FHIT: variants seen among roughly 807,000 people sequenced by gnomAD.
FHIT encodes fragile histidine triad diadenosine triphosphatase, also known as bis(5'-adenosyl)-triphosphatase.
A neutral mutation model predicts 17.9 loss-of-function variants in FHIT; 19 were observed. The observed-to-expected ratio is 1.06, with a 90% CI of 0.74 to 1.56. The LOEUF is 1.56. Ranked by LOEUF, FHIT falls within the 40% of genes most tolerant of loss-of-function variation. FHIT has a pLI of 0.00. For synonymous variants in FHIT, 81 were observed against 69.7 expected (o/e 1.16, Z -0.81); for missense variants, 248 against 189.2 (o/e 1.31, Z -1.82).
chr3:60,182,827 G>A (rs1402676796), intron 5 of FHIT, among the ~76,000 whole-genome samples: 1 of 151,254 alleles, frequency 6.6e-6, no homozygotes, highest in African/African-American at 2.4e-5. Flanking sequence ...TGAGTTGTTA[G>A]TTCCTCCTTT....
At chr3:60,432,482 G>A (rs1437368141) in intron 5 of FHIT, among the ~76,000 whole-genome samples, 1 of 152,102 alleles carries the variant, frequency 6.6e-6, no homozygotes, top group African/African-American at 2.4e-5. Context: ...TGAGTGTATA[G>A]TGAAACCGTG....
chr3:60,024,579 G>A (rs1700667989), intron 5 of FHIT, among the ~76,000 whole-genome samples: 3 of 152,192 alleles, frequency 2.0e-5, no homozygotes, highest in South Asian at 4.1e-4. Context: ...AGCACAACCA[G>A]GTACAGTCAT....
intron 8 of FHIT, among the ~76,000 whole-genome samples, chr3:59,833,419 C>G (rs554341868): frequency 1.3e-5 from 2 of 152,030 alleles, no homozygotes; most frequent in African/African-American, 4.8e-5. Flanking sequence ...CAGCTACAAG[C>G]CAAGGAACAT....
At chr3:60,120,195 T>A (rs541244802) in intron 5 of FHIT, among the ~76,000 whole-genome samples, 35 of 152,322 alleles carry the variant, frequency 2.3e-4, no homozygotes, top group African/African-American at 7.7e-4. Flanking sequence ...TCTTGCCTGA[T>A]GTATGCCTGT....
chr3:60,533,292 C>G (rs2035854089), intron 5 of FHIT, among the ~76,000 whole-genome samples: 1 of 152,186 alleles, frequency 6.6e-6, no homozygotes. Flanking sequence ...TTCGGCACAT[C>G]CTGTCTCTCT....
intron 3 of FHIT, among the ~76,000 whole-genome samples, chr3:60,981,374 A>G (rs1008808688): frequency 7.3e-6 from 1 of 136,306 alleles, no homozygotes; most frequent in Non-Finnish European, 1.5e-5. Flanking sequence ...GCGTGATCTT[A>G]GCTCACTGCA....
At chr3:60,351,835 G>A (rs1168488431) in intron 5 of FHIT, among the ~76,000 whole-genome samples, 1 of 151,872 alleles carries the variant, frequency 6.6e-6, no homozygotes, top group African/African-American at 2.4e-5. Flanking sequence ...ATAGACCCAT[G>A]CAGAAACCAT....
chr3:60,931,775 A>AT (rs1553771861), intron 3 of FHIT, among the ~76,000 whole-genome samples: 1 of 152,220 alleles, frequency 6.6e-6, no homozygotes, highest in Non-Finnish European at 1.5e-5. Flanking sequence ...CAATTTCAGC[A>AT]TTTTTTAAAG....
chr3:61,219,299 T>G (rs2039771531), intron 1 of FHIT, among the ~76,000 whole-genome samples: 1 of 151,264 alleles, frequency 6.6e-6, no homozygotes, highest in African/African-American at 2.4e-5. Context: ...TCTATCATCT[T>G]TGTGTACATC....
intron 5 of FHIT, among the ~76,000 whole-genome samples, chr3:60,336,341 T>G (rs78641974): frequency 1.5e-4 from 23 of 152,342 alleles, no homozygotes; most frequent in Non-Finnish European, 2.9e-4. Context: ...GTGAGCGCCA[T>G]TTTGGCTCTT....
intron 9 of FHIT, chr3:59,751,085 G>A (rs562570733): frequency 5.6e-6 from 1 of 179,056 alleles, no homozygotes; most frequent in East Asian, 9.1e-5. Context: ...GTCCATGGGA[G>A]TTTATTAACA....
intron 5 of FHIT, among the ~76,000 whole-genome samples, chr3:60,195,823 T>C (rs1356904143): frequency 7.0e-6 from 1 of 143,866 alleles, no homozygotes; most frequent in African/African-American, 2.6e-5. Flanking sequence ...GGAGCTAAGC[T>C]ATGGATATGC....
At chr3:59,994,293 A>G (rs17061689) in intron 7 of FHIT, among the ~76,000 whole-genome samples, 26,979 of 152,112 alleles carry the variant, frequency 0.18, 2,575 homozygotes, top group South Asian at 0.29. Context: ...CATTTATTGT[A>G]AAAAGCAGGT....
intron 4 of FHIT, among the ~76,000 whole-genome samples, chr3:60,758,229 C>A (rs1559699211): frequency 6.6e-6 from 1 of 152,194 alleles, no homozygotes; most frequent in Non-Finnish European, 1.5e-5. Context: ...CTCTCCTATG[C>A]CTCTTTCCTC....
At chr3:60,449,423 C>G (rs551568373) in intron 5 of FHIT, among the ~76,000 whole-genome samples, 2 of 121,270 alleles carry the variant, frequency 1.6e-5, no homozygotes, top group African/African-American at 9.0e-5. Context: ...ACATCATATG[C>G]GCATACACAC....
chr3:60,325,324 T>G (rs918781000), intron 5 of FHIT, among the ~76,000 whole-genome samples: 2 of 152,198 alleles, frequency 1.3e-5, no homozygotes, highest in Non-Finnish European at 2.9e-5. Flanking sequence ...GAGTTTAGAC[T>G]GTCACTAAAA....
Position 61,079,419 on chromosome 3 carries a change from AT to A in FHIT, c.-163-37321del, listed in dbSNP as rs200426692. 4.4e-3 allele frequency among the ~76,000 whole-genome samples: 676 copies of A among 152,298 alleles called. 6 individuals carry two copies. The highest frequency in any genetic ancestry group is 0.015 in the African/African-American group (617 of 41,580). ...TACCAGTCTGTTTACCTGCCATAAT[AT>A]GGAATATAAACTAGGAGGAGAAACA... is the stretch of plus-strand genomic sequence containing the variant. On this transcript the variant is annotated intron_variant, in intron 2 of 9. Coordinates refer to ENST00000492590, the MANE Select transcript of FHIT (RefSeq NM_002012.4).
At chr3:61,057,296 A>C (rs2034258420) in intron 2 of FHIT, among the ~76,000 whole-genome samples, 1 of 152,194 alleles carries the variant, frequency 6.6e-6, no homozygotes, top group Non-Finnish European at 1.5e-5. Context: ...TTGTATTTTC[A>C]TGTGGTTCAA....
intron 5 of FHIT, among the ~76,000 whole-genome samples, chr3:60,233,975 C>G (rs1452889663): frequency 6.6e-6 from 1 of 152,130 alleles, no homozygotes; most frequent in African/African-American, 2.4e-5. Context: ...AATTACGTCT[C>G]AGGTACATCT....
Sources: allele counts gnomAD v4.1 joint callset (sites outside exome capture counted in the v4.1 genomes callset), GRCh38; gene constraint gnomAD v4.1.1; transcripts MANE v1.5; gene names NCBI Gene and HGNC (gene_info 2026-07-23, HGNC 2026-07-21).